The following IVD variants were observed in gnomAD, a reference collection of about 807,000 sequenced individuals.
IVD encodes isovaleryl-CoA dehydrogenase, also known as isovaleryl-CoA dehydrogenase, mitochondrial.
In IVD, 31 loss-of-function variants were observed where a neutral mutation model predicts 51.3. The observed-to-expected ratio is 0.60, with a 90% CI of 0.45 to 0.81. IVD has a LOEUF of 0.81. IVD is among the 40% of genes least tolerant of loss of function. IVD has a pLI of 0.00. For missense variants in IVD, 475 were observed against 552.0 expected, an observed-to-expected ratio of 0.86 and a Z score of 1.40; for synonymous variants, 205 against 219.4, an observed-to-expected ratio of 0.93 and a Z score of 0.58.
At chr15:40,425,908 C>G (rs1316586356), downstream of IVD, among the ~76,000 whole-genome samples, 1 of 151,492 alleles carries the variant, frequency 6.6e-6, no homozygotes, top group African/African-American at 2.4e-5. Context: ...CTCCCGGGCT[C>G]AAGTGATTCT....
At chr15:40,406,164 C>A in intron 1 of IVD, 193 bp downstream of exon 1, 2 of 1,538,454 alleles carry the variant, frequency 1.3e-6, no homozygotes, top group Non-Finnish European at 1.7e-6. Flanking sequence ...ACCTCGGCCT[C>A]ACGTCTGTGG....
At chr15:40,406,106 A>T in intron 1 of IVD, 135 bp downstream of exon 1, 2 of 1,540,334 alleles carry the variant, frequency 1.3e-6, no homozygotes. Flanking sequence ...TGGGAGCGCC[A>T]GCGCGGGGGC....
At chr15:40,431,760 G>C (rs916664089) in intron 7 of IVD, among the ~76,000 whole-genome samples, 2 of 151,924 alleles carry the variant, frequency 1.3e-5, no homozygotes, top group Admixed American at 1.3e-4. Context: ...ATCTCTCCAG[G>C]AACATTACCT....
At chr15:40,425,440 C>CTATATATATATATATATA (rs72252183), downstream of IVD, among the ~76,000 whole-genome samples, 127 of 137,794 alleles carry the variant, frequency 9.2e-4, no homozygotes, top group African/African-American at 3.7e-3. Flanking sequence ...TGGACTCATA[C>CTATATATATATATATATA]TATATATATA....
chr15:40,425,123 A>C (rs903817986), downstream of IVD, among the ~76,000 whole-genome samples: 10 of 152,334 alleles, frequency 6.6e-5, no homozygotes, highest in Middle Eastern at 3.4e-3. Context: ...GGGAGCTGGA[A>C]GGGGAAAGGG....
At chr15:40,406,143 CCA>C (rs1890383922) in intron 1 of IVD, 172 bp downstream of exon 1, 1 of 1,539,122 alleles carries the variant, frequency 6.5e-7, no homozygotes, top group Non-Finnish European at 8.8e-7. Context: ...GACCTCGGGT[CCA>C]GTCCTCTGAC....
chr15:40,420,342 C>G lies in IVD; in HGVS notation c.*2079C>G. On this transcript the variant is annotated 3_prime_UTR_variant, in exon 12 of 12. Coordinates refer to ENST00000487418, the MANE Select transcript of IVD (RefSeq NM_002225.5). ...CAGGCCGGAGTTGGCTCGCATGACTCCAGCTGAGGCTGCCTGTGTACATTT... is the reference window on the plus strand; with the variant it reads ...CAGGCCGGAGTTGGCTCGCATGACTGCAGCTGAGGCTGCCTGTGTACATTT... The G allele has an allele frequency of 1.0e-6, 1 of 987,708 alleles. No homozygotes were observed. The highest frequency in any genetic ancestry group is 1.2e-6 in the Non-Finnish European group (1 of 830,156). The allele number at this position is 987,708 out of a possible 1,614,324, so 61.2% of individuals were successfully genotyped here. A position where few individuals can be genotyped will look rare whatever the true frequency, so the allele number is the denominator to read the frequency against.
At position 40,418,425 on chromosome 15, in the gene IVD, A is replaced by T; in HGVS notation, c.*162A>T. On this transcript the variant is annotated 3_prime_UTR_variant, in exon 12 of 12. Coordinates refer to ENST00000487418, the MANE Select transcript of IVD (RefSeq NM_002225.5). ...GTTGAGTTCTCCACAACAGCTCCCA[A>T]GCATCATGGGCCTCGCAGCCGGGCC... The T allele has an allele frequency of 6.5e-7, 1 of 1,540,580 alleles. No individual in the cohort carries two copies. The highest frequency in any genetic ancestry group is 8.7e-7 in the Non-Finnish European group (1 of 1,148,702).
rs111398921 is a variant in IVD, at chr15:40,416,684, G to A, written c.1138+322G>A. Among the ~76,000 whole-genome samples the A allele has an allele frequency of 8.6e-5, 13 of 152,032 alleles. 1 individual carries two copies. The highest frequency in any genetic ancestry group is 3.1e-4 in the African/African-American group (13 of 41,482). Reference sequence around the variant, plus strand: ...TGCACTCCAGCCTAGGTGACAGAGCGAGAGGCTGTCTCAAAAAAAAGCAAT... The same window carrying A: ...TGCACTCCAGCCTAGGTGACAGAGCAAGAGGCTGTCTCAAAAAAAAGCAAT... On this transcript the variant is annotated intron_variant, in intron 11 of 11. Coordinates refer to ENST00000487418, the MANE Select transcript of IVD (RefSeq NM_002225.5).
chr15:40,434,712 G>A (rs966656958), intron 8 of IVD, among the ~76,000 whole-genome samples: 5 of 152,162 alleles, frequency 3.3e-5, no homozygotes, highest in Non-Finnish European at 5.9e-5. Flanking sequence ...GTGAGTATGA[G>A]GATTCTGGAG....
At chr15:40,406,864 CTTTTTTTT>C (rs920097308) in intron 1 of IVD, among the ~76,000 whole-genome samples, 3 of 138,778 alleles carry the variant, frequency 2.2e-5, no homozygotes, top group Non-Finnish European at 4.7e-5. Context: ...TTTCTTTTTT[CTTTTTTTT>C]TTTTTTTTGA....
Position 40,407,741 on chromosome 15 carries a change from C to CGGGCAGTCGG in IVD, c.234+25_234+34dup. The CGGGCAGTCGG allele has an allele frequency of 1.2e-6, 2 of 1,607,614 alleles. No individual in the cohort carries two copies. The highest frequency in any genetic ancestry group is 1.7e-6 in the Non-Finnish European group (2 of 1,174,334). ...GAACCTGCGAGTGAGTTGGGAGGTCCGGGCAGTCGGGGGCAGTCAGGGAGT... is the reference window on the plus strand; with the variant it reads ...GAACCTGCGAGTGAGTTGGGAGGTCCGGGCAGTCGGGGGCAGTCGGGGGCAGTCAGGGAGT... On this transcript the variant is annotated intron_variant, in intron 2 of 11. Coordinates refer to ENST00000487418, the MANE Select transcript of IVD (RefSeq NM_002225.5).
chr15:40,421,014 C>T lies in IVD; in HGVS notation c.*2751C>T, dbSNP rs892245482. 3.0e-6 allele frequency: 3 copies of T among 985,498 alleles called. No homozygotes were observed. In the Admixed American group the frequency reaches 1.8e-4, roughly 60 times the overall value. The allele number at this position is 985,498 out of a possible 1,614,324, so 61.0% of individuals were successfully genotyped here. On this transcript the variant is annotated 3_prime_UTR_variant, in exon 12 of 12. Coordinates refer to ENST00000487418, the MANE Select transcript of IVD (RefSeq NM_002225.5). ...TGAGGCTTGAGACAGGTGGGGTTGG[C>T]TCCTCACCAACCCCAGTTCCGTCCC...
In IVD at chr15:40,419,115, G is replaced by A. The variant is rs1198738718; in HGVS notation, c.*852G>A. On this transcript the variant is annotated 3_prime_UTR_variant, in exon 12 of 12. Transcript: ENST00000487418. The stretch of plus-strand genomic sequence containing the variant: ...TGTGCCATTGCACTCCAGCCTGGGC[G>A]ACAAGAGCAAAACTCTTCAAAAAAC... The A allele has an allele frequency of 2.3e-6, 3 of 1,279,904 alleles. No homozygotes were observed. The highest frequency in any genetic ancestry group is 2.0e-6 in the Non-Finnish European group (2 of 980,804). 79.3% of individuals were successfully genotyped at this position (1,279,904 alleles called of 1,614,324 possible).
intron 3 of IVD, among the ~76,000 whole-genome samples, chr15:40,409,380 A>G (rs935840745): frequency 6.6e-6 from 1 of 152,022 alleles, no homozygotes; most frequent in Non-Finnish European, 1.5e-5. Context: ...CAGCCTGGAT[A>G]AGAGAGTGAG....
At chr15:40,435,552 T>TC (rs1178277999) in exon 9 of IVD, 7 of 1,166,686 alleles carry the variant, frequency 6.0e-6, no homozygotes, top group Middle Eastern at 2.4e-4. Flanking sequence ...CGCGTGCTGC[T>TC]CCCCCAACTC....
At chr15:40,416,441 C>T (rs918300384) in intron 11 of IVD, 79 bp downstream of exon 11, 18 of 1,357,794 alleles carry the variant, frequency 1.3e-5, no homozygotes, top group South Asian at 8.4e-5. Flanking sequence ...AGTTTCAGGG[C>T]GGGCGTGGTG....
Position 40,420,147 on chromosome 15 carries a change from G to T in IVD, c.*1884G>T, listed in dbSNP as rs1325854341. 1 of 948,006 alleles carries T rather than the reference G, an allele frequency of 1.1e-6. No individual in the cohort carries two copies. The highest frequency in any genetic ancestry group is 1.2e-6 in the Non-Finnish European group (1 of 811,248). The allele number at this position is 948,006 out of a possible 1,614,324, so 58.7% of individuals were successfully genotyped here. A position where few individuals can be genotyped will look rare whatever the true frequency, so the allele number is the denominator to read the frequency against. On this transcript the variant is annotated 3_prime_UTR_variant, in exon 12 of 12. Transcript: ENST00000487418. ...AATGAACACACATGCTGCTGAGTCC[G>T]CAGGGGGGGCAGAGCAGAGGACAGC... is the stretch of plus-strand genomic sequence containing the variant.
Position 40,419,052 on chromosome 15 carries a change from C to A in IVD, c.*789C>A. The A allele has an allele frequency of 1.2e-6, 1 of 858,194 alleles. No individual in the cohort carries two copies. The highest frequency in any genetic ancestry group is 1.7e-6 in the Non-Finnish European group (1 of 601,424). 53.2% of individuals were successfully genotyped at this position (858,194 alleles called of 1,614,324 possible). A position where few individuals can be genotyped will look rare whatever the true frequency, so the allele number is the denominator to read the frequency against. On this transcript the variant is annotated 3_prime_UTR_variant, in exon 12 of 12. Coordinates refer to ENST00000487418, the MANE Select transcript of IVD (RefSeq NM_002225.5). ...TCAGGAGGCTGAGGCAGGAGAATTA[C>A]TTGAACCCAGGAGGCGGACGTTGCA...
Sources: gnomAD v4.1 joint callset for allele counts (sites outside exome capture counted in the v4.1 genomes callset) on GRCh38, gnomAD v4.1.1 for gene constraint, MANE v1.5 for transcripts, NCBI Gene and HGNC (gene_info 2026-07-23, HGNC 2026-07-21) for gene names.